Variants in RBM20 observed in about 807,000 individuals in gnomAD.
The protein encoded by RBM20 is RNA binding motif protein 20, also known as RNA-binding protein 20.
In RBM20, 51 loss-of-function variants were observed where a neutral mutation model predicts 110.1. That is an observed-to-expected ratio of 0.46 (90% CI 0.37 to 0.59). The LOEUF is 0.59. Ranked by LOEUF, RBM20 falls within the 20% of genes least tolerant of loss-of-function variation. The probability of loss-of-function intolerance (pLI) is 0.00; values close to 1 mark genes in which losing one functional copy is unlikely to be tolerated. For synonymous variants in RBM20, 589 were observed against 618.2 expected (o/e 0.95, Z 0.70); for missense variants, 1,512 against 1,574.9 (o/e 0.96, Z 0.68).
rs1844796699 is a variant in RBM20 at position 110,813,081 on chromosome 10, C to G, written c.2550+134C>G. On this transcript the variant is annotated intron_variant, in intron 9 of 13. Coordinates refer to ENST00000369519, the MANE Select transcript of RBM20 (RefSeq NM_001134363.3). ...TATTTACTATGCGCTAGGCACTGTG[C>G]AAGACACTTTATCTCAATGAACTCA... The G allele has an allele frequency of 7.8e-6, 5 of 644,576 alleles. No individual in the cohort carries two copies. In the South Asian group the frequency reaches 1.5e-4, roughly 19 times the overall value. 39.9% of individuals were successfully genotyped at this position (644,576 alleles called of 1,614,324 possible).
chr10:110,679,636 T>G (rs1862393448), intron 1 of RBM20, among the ~76,000 whole-genome samples: 1 of 152,222 alleles, frequency 6.6e-6, no homozygotes, highest in Non-Finnish European at 1.5e-5. Context: ...GGGGTTGTTT[T>G]GAAAATCAGG....
chr10:110,729,022 T>C (rs1843593102), intron 1 of RBM20, among the ~76,000 whole-genome samples: 1 of 152,194 alleles, frequency 6.6e-6, no homozygotes, highest in African/African-American at 2.4e-5. Flanking sequence ...AACTGAAGCA[T>C]GTAAAGTATA....
At chr10:110,716,353 C>G (rs1564823809) in intron 1 of RBM20, among the ~76,000 whole-genome samples, 1 of 152,242 alleles carries the variant, frequency 6.6e-6, no homozygotes, top group Non-Finnish European at 1.5e-5. Context: ...CCTGGCTTCT[C>G]CTGCTCTGTA....
At chr10:110,762,419 C>G (rs1042225422) in intron 1 of RBM20, among the ~76,000 whole-genome samples, 3 of 152,206 alleles carry the variant, frequency 2.0e-5, no homozygotes, top group Non-Finnish European at 4.4e-5. Context: ...TCTTCATTTC[C>G]AGATTGGAAC....
chr10:110,699,983 C>A (rs188774079), intron 1 of RBM20, among the ~76,000 whole-genome samples: 1 of 152,122 alleles, frequency 6.6e-6, no homozygotes, highest in Non-Finnish European at 1.5e-5. Flanking sequence ...ATTCACGTCC[C>A]GGGTGGACAG....
intron 1 of RBM20, among the ~76,000 whole-genome samples, chr10:110,729,725 C>T (rs931376017): frequency 6.6e-6 from 1 of 152,228 alleles, no homozygotes; most frequent in Non-Finnish European, 1.5e-5. Flanking sequence ...TGAGGGGAAC[C>T]GCATCCACCT....
intron 1 of RBM20, among the ~76,000 whole-genome samples, chr10:110,708,727 A>T (rs1564821615): frequency 1.3e-5 from 2 of 152,254 alleles, no homozygotes; most frequent in Admixed American, 6.5e-5. Context: ...TTCAGGGGAA[A>T]CAAGAAACAA....
chr10:110,752,925 A>T (rs1171592208), intron 1 of RBM20, among the ~76,000 whole-genome samples: 1 of 103,440 alleles, frequency 9.7e-6, no homozygotes, highest in Non-Finnish European at 1.8e-5. Context: ...TTATACATAT[A>T]TATATATATA....
At chr10:110,676,002 T>G (rs1862333157) in intron 1 of RBM20, among the ~76,000 whole-genome samples, 1 of 152,166 alleles carries the variant, frequency 6.6e-6, no homozygotes, top group South Asian at 2.1e-4. Flanking sequence ...ATGATTTAGG[T>G]AGAGTTTACT....
At position 110,821,445 on chromosome 10, in the gene RBM20, C is replaced by G. The variant is rs760154123; in HGVS notation, c.2826C>G (p.Cys942Trp). Residue 942 changes from cysteine to tryptophan, a missense_variant, in exon 11 of 14, where the codon TGC becomes TGG. Physicochemically the swap from Cys to Trp is radical, Grantham distance 215. Around this residue, in one of 3 missense-constraint regions of RBM20, gnomAD observed 358 missense variants for 384.2 expected, o/e 0.93. Coordinates refer to ENST00000369519, the MANE Select transcript of RBM20 (RefSeq NM_001134363.3). ...IVPIDQKDKI[C>W]PETCLCVTTT... ...CCATTGACCAGAAAGACAAAATTTG[C>G]CCAGAAACATGTCTGTGTGTGACAA... 1 of 1,551,754 alleles carries G rather than the reference C, an allele frequency of 6.4e-7. No homozygotes were observed. The highest frequency in any genetic ancestry group is 1.2e-5 in the South Asian group (1 of 84,066).
Position 110,831,673 on chromosome 10 carries a change from A to AC in RBM20, c.3573+491_3573+492insC, listed in dbSNP as rs1472479635. Among the ~76,000 whole-genome samples, 83 of 138,586 alleles carry AC rather than the reference A, an allele frequency of 6.0e-4. 1 individual carries two copies. In the South Asian group the frequency reaches 0.018, roughly 30 times the overall value. The allele number at this position is 138,586 out of a possible 152,430, so 90.9% of individuals were successfully genotyped here. On this transcript the variant is annotated intron_variant, in intron 13 of 13. Transcript: ENST00000369519. ...TATCCCTGCTTGCTAGAATAAAAAA[A>AC]AAAAAAAAAAAAAAAAAACACTGCT...
chr10:110,719,943 T>G (rs907988042), intron 1 of RBM20, among the ~76,000 whole-genome samples: 1 of 151,908 alleles, frequency 6.6e-6, no homozygotes, highest in South Asian at 2.1e-4. Flanking sequence ...GCATCCAAGA[T>G]CAAGGCACCA....
intron 9 of RBM20, among the ~76,000 whole-genome samples, chr10:110,818,484 C>T (rs528576025): frequency 2.8e-4 from 6 of 21,732 alleles, no homozygotes; most frequent in Admixed American, 9.3e-4. Flanking sequence ...CAACAGTTGG[C>T]GTTTCAGTCT....
At position 110,821,864 on chromosome 10, in the gene RBM20, T is replaced by G. The variant is rs878854252; in HGVS notation, c.3245T>G (p.Leu1082Arg). 5.2e-6 allele frequency: 8 copies of G among 1,551,540 alleles called. No homozygotes were observed. In the East Asian group the frequency reaches 1.5e-4, roughly 28 times the overall value. ...GATGGGGCTTGTGAAGGCAGCCCCC[T>G]GGAGGAGAAAGCCAGCCCCCCCATC... The part of the protein sequence containing the change: ...PEDGACEGSP[L>R]EEKASPPIET... The change falls in exon 11 of 14, where the codon CTG (leucine) becomes CGG (arginine). Residue 1082 changes from leucine to arginine, a missense_variant. This residue lies in a region of RBM20 where 358 missense variants were observed against 384.2 expected (regional missense o/e 0.93). Transcript: ENST00000369519.
intron 1 of RBM20, among the ~76,000 whole-genome samples, chr10:110,711,409 C>T (rs1862927343): frequency 6.6e-6 from 1 of 151,212 alleles, no homozygotes; most frequent in African/African-American, 2.4e-5. Context: ...CACCTTTACC[C>T]CAAGCTACCA....
intron 1 of RBM20, among the ~76,000 whole-genome samples, chr10:110,732,617 C>T (rs898083715): frequency 6.6e-5 from 10 of 152,326 alleles, no homozygotes; most frequent in African/African-American, 2.4e-4. Context: ...CAGGGGCCTT[C>T]TGGGTTAAGT....
chr10:110,809,610 TG>T (rs1282689107), intron 7 of RBM20, among the ~76,000 whole-genome samples: 1 of 152,170 alleles, frequency 6.6e-6, no homozygotes, highest in Non-Finnish European at 1.5e-5. Context: ...CACCGTCTAA[TG>T]ACCTCTGGGA....
chr10:110,802,577 G>A (rs1222412208), intron 7 of RBM20, among the ~76,000 whole-genome samples: 1 of 152,124 alleles, frequency 6.6e-6, no homozygotes, highest in Non-Finnish European at 1.5e-5. Context: ...TTCTAATTAG[G>A]ATTAACGGCA....
upstream of RBM20, among the ~76,000 whole-genome samples, chr10:110,643,253 T>C (rs1861812934): frequency 6.6e-6 from 1 of 152,396 alleles, no homozygotes; most frequent in African/African-American, 2.4e-5. Flanking sequence ...TTAGAACTCC[T>C]GTATGCCGGA....
Sources: gnomAD v4.1 joint callset for allele counts (sites outside exome capture counted in the v4.1 genomes callset) on GRCh38, gnomAD v4.1.1 for gene constraint, gnomAD v4.1.1 regional missense constraint, MANE v1.5 for transcripts, NCBI Gene and HGNC (gene_info 2026-07-23, HGNC 2026-07-21) for gene names.